Variants in SEMA4D observed in about 807,000 individuals in gnomAD.
The protein encoded by SEMA4D is semaphorin 4D.
SEMA4D carries 22 observed loss-of-function variants against 74.8 expected under a neutral mutation model. The ratio of observed to expected loss-of-function variants is 0.29; its 90% confidence interval spans 0.21 to 0.42. SEMA4D has a LOEUF of 0.42. SEMA4D is among the 10% of genes least tolerant of loss of function. The probability of loss-of-function intolerance (pLI) is 1.00; values close to 1 mark genes in which losing one functional copy is unlikely to be tolerated. For synonymous variants in SEMA4D, 445 were observed against 463.7 expected (o/e 0.96, Z 0.52); for missense variants, 937 against 1,118.4 (o/e 0.84, Z 2.31).
chr9:89,479,669 T>C (rs900419945), intron 1 of SEMA4D: 70 of 161,494 alleles, frequency 4.3e-4, no homozygotes, highest in Admixed American at 7.1e-4. Flanking sequence ...GGAGTGAAGC[T>C]GCAGACCTTC....
intron 1 of SEMA4D, among the ~76,000 whole-genome samples, chr9:89,461,701 T>TCTC (rs374879306): frequency 2.3e-3 from 72 of 31,238 alleles, no homozygotes; most frequent in Middle Eastern, 9.3e-3. Flanking sequence ...CTTTTTTCTC[T>TCTC]TTTTTTTTTT....
rs1483892567 is a variant in SEMA4D, at chr9:89,405,353, C to A, written c.104G>T (p.Arg35Ile). The change falls in exon 3 of 16, where the codon AGA becomes ATA. Residue 35 changes from arginine (R) to isoleucine (I), a missense_variant and splice_region_variant. Arg to Ile is a moderately conservative substitution (Grantham distance 97). Transcript: ENST00000422704. ...CCCCTGCAGGTTTCGTCACTCACCT[C>A]TGTGCTCCCAGGTGATCCGGGGTAT... ...APIPRITWEH[R>I]EVHLVQFHEP... 1 of 1,613,262 alleles carries A rather than the reference C, an allele frequency of 6.2e-7. No homozygotes were observed. The highest frequency in any genetic ancestry group is 1.7e-5 in the Admixed American group (1 of 60,000).
At chr9:89,405,128 C>T (rs1466812914) in intron 3 of SEMA4D, among the ~76,000 whole-genome samples, 4 of 135,338 alleles carry the variant, frequency 3.0e-5, no homozygotes, top group Admixed American at 1.5e-4. Context: ...CATCCCATCC[C>T]CAGCCACCCG....
At chr9:89,442,900 G>GC (rs1851973496) in intron 2 of SEMA4D, among the ~76,000 whole-genome samples, 1 of 152,208 alleles carries the variant, frequency 6.6e-6, no homozygotes, top group Non-Finnish European at 1.5e-5. Flanking sequence ...GCAAACCTGG[G>GC]CCCCGGGCCT....
chr9:89,464,862 G>A (rs1858271386), intron 1 of SEMA4D, among the ~76,000 whole-genome samples: 1 of 152,208 alleles, frequency 6.6e-6, no homozygotes, highest in South Asian at 2.1e-4. Flanking sequence ...CCCAGGGCGA[G>A]GGTCCTGCTC....
At chr9:89,363,800 G>A in exon 17 of SEMA4D, 1 of 1,614,014 alleles carries the variant, frequency 6.2e-7, no homozygotes, top group Non-Finnish European at 8.5e-7. Context: ...GGAGAGGACA[G>A]AGCAGCGATA....
chr9:89,363,822 C>T (rs1299941731), exon 17 of SEMA4D: 1 of 1,614,140 alleles, frequency 6.2e-7, no homozygotes. Flanking sequence ...TCAGCGCTTT[C>T]CCTGATGGCG....
intron 1 of SEMA4D, among the ~76,000 whole-genome samples, chr9:89,469,632 G>A (rs1198227133): frequency 6.6e-6 from 1 of 152,138 alleles, no homozygotes; most frequent in Non-Finnish European, 1.5e-5. Flanking sequence ...ATCAATAAAT[G>A]CAAGCCACCT....
chr9:89,475,138 A>G (rs1861450039), intron 1 of SEMA4D, among the ~76,000 whole-genome samples: 1 of 152,232 alleles, frequency 6.6e-6, no homozygotes, highest in South Asian at 2.1e-4. Flanking sequence ...GCTGGAGGAC[A>G]GACCAGCCAC....
rs569794525 is a variant in SEMA4D, at chr9:89,476,422, C to CT, written c.-309-20470dup. Among the ~76,000 whole-genome samples, 22 of 152,266 alleles carry CT rather than the reference C, an allele frequency of 1.4e-4. No individual in the cohort carries two copies. In the East Asian group the frequency reaches 4.2e-3, roughly 29 times the overall value. Reference sequence around the variant, plus strand: ...TCTTGATACTTCTGTGGAGGTATTACTTTTTTAATGAGATCAACATTTAAA... The same window carrying CT: ...TCTTGATACTTCTGTGGAGGTATTACTTTTTTTAATGAGATCAACATTTAAA... On this transcript the variant is annotated intron_variant, in intron 1 of 15. Coordinates refer to ENST00000422704, the MANE Select transcript of SEMA4D (RefSeq NM_001371194.2).
At chr9:89,435,810 C>A (rs1850271716) in intron 2 of SEMA4D, among the ~76,000 whole-genome samples, 1 of 152,246 alleles carries the variant, frequency 6.6e-6, no homozygotes, top group African/African-American at 2.4e-5. Flanking sequence ...GCATGTCCGG[C>A]CTTTCCTTAC....
chr9:89,449,532 G>A (rs1853824975), intron 2 of SEMA4D: 4 of 765,524 alleles, frequency 5.2e-6, no homozygotes, highest in East Asian at 2.5e-5. Flanking sequence ...CAGGGGAAAC[G>A]AGGCTGCAGT....
At chr9:89,383,954 T>C (rs990320547) in intron 13 of SEMA4D, among the ~76,000 whole-genome samples, 13 of 152,080 alleles carry the variant, frequency 8.5e-5, no homozygotes, top group Non-Finnish European at 1.5e-4. Flanking sequence ...TGCTGCTGTG[T>C]GTGCGCGTCA....
intron 1 of SEMA4D, among the ~76,000 whole-genome samples, chr9:89,468,062 G>C (rs569431433): frequency 1.4e-3 from 206 of 152,266 alleles, no homozygotes; most frequent in African/African-American, 4.8e-3. Context: ...GAAAGACTAG[G>C]GTAGTCGTGG....
At chr9:89,486,299 AG>A (rs2136232218) in intron 1 of SEMA4D, among the ~76,000 whole-genome samples, 1 of 152,340 alleles carries the variant, frequency 6.6e-6, no homozygotes, top group Non-Finnish European at 1.5e-5. Flanking sequence ...GATGGAAAAC[AG>A]GTCAGTGGTT....
At position 89,371,479 on chromosome 9, in the gene SEMA4D, G is replaced by A. The variant is rs111066136; in HGVS notation, c.1882+5354C>T. On this transcript the variant is annotated intron_variant, in intron 16 of 18. Coordinates refer to the SEMA4D transcript ENST00000339861. Reference sequence around the variant, plus strand: ...CTGGGGTGTGTGTGTGGGGTGTGATGTGTGTGGGATGTGTCTGGGGTGTAG... The same window carrying A: ...CTGGGGTGTGTGTGTGGGGTGTGATATGTGTGGGATGTGTCTGGGGTGTAG... Among the ~76,000 whole-genome samples the A allele has an allele frequency of 2.5e-3, 266 of 107,038 alleles. 4 individuals are homozygous for A. Among genetic ancestry groups the A allele is most frequent in the African/African-American group, 9.3e-3 (237 of 25,450 alleles). 70.2% of individuals were successfully genotyped at this position (107,038 alleles called of 152,430 possible). A position where few individuals can be genotyped will look rare whatever the true frequency, so the allele number is the denominator to read the frequency against.
At chr9:89,496,776 A>C (rs1826049382) in intron 1 of SEMA4D, among the ~76,000 whole-genome samples, 1 of 152,224 alleles carries the variant, frequency 6.6e-6, no homozygotes, top group African/African-American at 2.4e-5. Context: ...GGCAGCCAGC[A>C]GGCAGGCCCC....
chr9:89,367,484 G>A (rs964879303), intron 16 of SEMA4D: 10 of 152,438 alleles, frequency 6.6e-5, no homozygotes, highest in African/African-American at 2.4e-4. Flanking sequence ...GTGGGGACAA[G>A]AGGCTGGTCT....
rs147452028 is a variant in SEMA4D at position 89,421,981 on chromosome 9, T to C, written c.-243-16282A>G. On this transcript the variant is annotated intron_variant, in intron 2 of 15. Coordinates refer to ENST00000422704, the MANE Select transcript of SEMA4D (RefSeq NM_001371194.2). Reference sequence around the variant, plus strand: ...ACTATTCGAATTCCTTCCTTAATCATGTGGTTTTCTAACTAAAATATTTTA... The same window carrying C: ...ACTATTCGAATTCCTTCCTTAATCACGTGGTTTTCTAACTAAAATATTTTA... Among the ~76,000 whole-genome samples, 372 of 152,374 alleles carry C rather than the reference T, an allele frequency of 2.4e-3. 2 individuals are homozygous for C. Among genetic ancestry groups the C allele is most frequent in the African/African-American group, 8.1e-3 (338 of 41,590 alleles).
Sources: gnomAD v4.1 joint callset for allele counts (sites outside exome capture counted in the v4.1 genomes callset) on GRCh38, gnomAD v4.1.1 for gene constraint, MANE v1.5 for transcripts, NCBI Gene and HGNC (gene_info 2026-07-23, HGNC 2026-07-21) for gene names.